The following FBXO22 variants were observed in gnomAD, a reference collection of about 807,000 sequenced individuals.
The protein encoded by FBXO22 is F-box only protein 22.
FBXO22 carries 13 observed loss-of-function variants against 37.2 expected under a neutral mutation model. The ratio of observed to expected loss-of-function variants is 0.35; its 90% CI spans 0.23 to 0.56. The LOEUF (loss-of-function observed/expected upper bound fraction) is 0.56, where lower values mean the gene tolerates loss of function less well. FBXO22 is among the 20% of genes least tolerant of loss of function. The pLI, the probability that FBXO22 is intolerant of heterozygous loss-of-function variation, is 0.87. For synonymous variants in FBXO22, 189 were observed against 189.1 expected (o/e 1.00, Z 0.00); for missense variants, 446 against 509.9 (o/e 0.87, Z 1.21).
chr15:75,940,830 A>G lies in FBXO22; in HGVS notation c.*7728A>G, dbSNP rs1422614711. 1.3e-5 allele frequency: 2 copies of G among 152,224 alleles called. No individual in the cohort carries two copies. The highest frequency in any genetic ancestry group is 1.9e-4 in the East Asian group (1 of 5,190). 9.4% of individuals were successfully genotyped at this position (152,224 alleles called of 1,614,324 possible). A position where few individuals can be genotyped will look rare whatever the true frequency, so the allele number is the denominator to read the frequency against. ...TCACTCATTTGCAAAAATTAACTCAAAATGGACCAAAGACCTAAATGTGAG... is the reference window on the plus strand; with the variant it reads ...TCACTCATTTGCAAAAATTAACTCAGAATGGACCAAAGACCTAAATGTGAG... On this transcript the variant is annotated 3_prime_UTR_variant, in exon 7 of 7. Transcript: ENST00000308275.
At position 75,904,111 on chromosome 15, in the gene FBXO22, G is replaced by GAGGAGGCGGAGGC. The variant is rs765768612; in HGVS notation, c.140+9_140+21dup. The GAGGAGGCGGAGGC allele has an allele frequency of 1.3e-6, 2 of 1,534,598 alleles. No homozygotes were observed. Among genetic ancestry groups the GAGGAGGCGGAGGC allele is most frequent in the East Asian group, 2.5e-5 (1 of 40,584 alleles). On this transcript the variant is annotated intron_variant, in intron 1 of 6. Coordinates refer to ENST00000308275, the MANE Select transcript of FBXO22 (RefSeq NM_147188.3). ...GTTGCTGCGGGTGGCCTGGTGAGGA[G>GAGGAGGCGGAGGC]AGGAGGCGGAGGCGGGAAGCTTGCC...
chr15:75,918,903 A>G (rs1567053914), intron 5 of FBXO22, among the ~76,000 whole-genome samples: 1 of 152,150 alleles, frequency 6.6e-6, no homozygotes, highest in Non-Finnish European at 1.5e-5. Flanking sequence ...TTGGAGGAAT[A>G]AGTTCTTGAG....
intron 6 of FBXO22, chr15:75,930,457 G>A (rs2029974291): frequency 2.0e-6 from 2 of 994,770 alleles, no homozygotes; most frequent in African/African-American, 1.7e-5. Flanking sequence ...GTGGAAATCT[G>A]GAAGGAGAAT....
chr15:75,910,623 C>T (rs771902897), intron 2 of FBXO22, among the ~76,000 whole-genome samples: 1 of 151,684 alleles, frequency 6.6e-6, no homozygotes, highest in Non-Finnish European at 1.5e-5. Context: ...TTGTTTTTTT[C>T]TTCAAATTTA....
At chr15:75,908,428 A>G (rs574421077) in intron 2 of FBXO22, among the ~76,000 whole-genome samples, 6 of 152,080 alleles carry the variant, frequency 3.9e-5, no homozygotes, top group Admixed American at 3.3e-4. Context: ...GCATGCAGCC[A>G]TACCCGGTTA....
chr15:75,930,050 G>C lies in FBXO22; in HGVS notation c.794+1G>C, dbSNP rs1447389249. The C allele has an allele frequency of 6.2e-7, 1 of 1,613,862 alleles. No homozygotes were observed. Among genetic ancestry groups the C allele is most frequent in the Non-Finnish European group, 8.5e-7 (1 of 1,179,888 alleles). On this transcript the variant is annotated splice_donor_variant, in intron 6 of 6. Transcript: ENST00000308275. LOFTEE classifies it high-confidence loss of function. ...ACCTGTCATCACTGACTTCTGAAAAGTATGTCTTGTGTGCTTCTGATTTCG... is the reference window on the plus strand; with the variant it reads ...ACCTGTCATCACTGACTTCTGAAAACTATGTCTTGTGTGCTTCTGATTTCG...
At chr15:75,908,671 A>G (rs563921118) in intron 2 of FBXO22, among the ~76,000 whole-genome samples, 7 of 152,336 alleles carry the variant, frequency 4.6e-5, no homozygotes, top group Admixed American at 1.3e-4. Flanking sequence ...AGGTAGCTCA[A>G]TAGTCGTAGC....
rs957395387 is a variant in FBXO22, at chr15:75,933,820, G to C, written c.*718G>C. The C allele has an allele frequency of 2.3e-5, 5 of 214,040 alleles. No individual in the cohort carries two copies. Among genetic ancestry groups the C allele is most frequent in the Non-Finnish European group, 3.9e-5 (4 of 102,292 alleles). The allele number at this position is 214,040 out of a possible 1,614,324, so 13.3% of individuals were successfully genotyped here. ...TTTTATACCAATAAAACATAGCGTG[G>C]AACTCATTCAGGTAATGTTTTGCAT... is the stretch of plus-strand genomic sequence containing the variant. On this transcript the variant is annotated 3_prime_UTR_variant, in exon 7 of 7. Coordinates refer to ENST00000308275, the MANE Select transcript of FBXO22 (RefSeq NM_147188.3).
At chr15:75,930,619 A>C in intron 6 of FBXO22, 2 of 985,484 alleles carry the variant, frequency 2.0e-6, no homozygotes, top group Non-Finnish European at 2.4e-6. Context: ...TTTGTTACTA[A>C]GGCTTTTGCT....
chr15:75,927,260 T>C (rs79483876), intron 5 of FBXO22, among the ~76,000 whole-genome samples: 2,463 of 152,268 alleles, frequency 0.016, 65 homozygotes, highest in African/African-American at 0.055. Context: ...AGTTTGGAGG[T>C]CCTGAGATTT....
chr15:75,928,694 G>C (rs2029892745), intron 5 of FBXO22, among the ~76,000 whole-genome samples: 1 of 152,038 alleles, frequency 6.6e-6, no homozygotes, highest in Non-Finnish European at 1.5e-5. Flanking sequence ...ACACACGTTT[G>C]CCTGTGGAAC....
intron 6 of FBXO22, chr15:75,930,359 C>T: frequency 8.0e-7 from 1 of 1,246,678 alleles, no homozygotes; most frequent in African/African-American, 1.5e-5. Flanking sequence ...GTGTCACCTC[C>T]TTTCTAGTTT....
intron 2 of FBXO22, among the ~76,000 whole-genome samples, 179 bp downstream of exon 2, chr15:75,904,808 G>A (rs1340305650): frequency 1.4e-5 from 2 of 147,182 alleles, no homozygotes; most frequent in East Asian, 2.0e-4. Flanking sequence ...TTATTTGACC[G>A]TTCATCAAAT....
intron 5 of FBXO22, among the ~76,000 whole-genome samples, chr15:75,927,796 T>C (rs1232226047): frequency 6.6e-6 from 1 of 152,178 alleles, no homozygotes; most frequent in Non-Finnish European, 1.5e-5. Context: ...TAGTAATTGG[T>C]CATTCACGCA....
At chr15:75,918,198 G>A (rs1900231091) in intron 5 of FBXO22, among the ~76,000 whole-genome samples, 1 of 152,092 alleles carries the variant, frequency 6.6e-6, no homozygotes, top group South Asian at 2.1e-4. Context: ...TATTTGAAAT[G>A]GGACTTAAAC....
At chr15:75,904,768 A>T in intron 2 of FBXO22, 139 bp downstream of exon 2, 1 of 785,194 alleles carries the variant, frequency 1.3e-6, no homozygotes, top group Non-Finnish European at 1.9e-6. Flanking sequence ...CATCAGTTTT[A>T]GTGACTACAC....
chr15:75,907,902 A>G (rs1184369783), intron 2 of FBXO22, among the ~76,000 whole-genome samples: 1 of 152,016 alleles, frequency 6.6e-6, no homozygotes, highest in Non-Finnish European at 1.5e-5. Context: ...AGATTGCACC[A>G]CTTCACTCCA....
chr15:75,929,345 C>T (rs1283690505), intron 5 of FBXO22, among the ~76,000 whole-genome samples: 1 of 151,830 alleles, frequency 6.6e-6, no homozygotes, highest in Non-Finnish European at 1.5e-5. Context: ...ATCCTTTTTC[C>T]AAATAAGCTT....
intron 5 of FBXO22, among the ~76,000 whole-genome samples, chr15:75,927,055 G>T (rs897119200): frequency 6.6e-6 from 1 of 152,200 alleles, no homozygotes; most frequent in Admixed American, 6.5e-5. Context: ...CCTTATGAAT[G>T]ATTTGTGGGA....
Sources: allele counts gnomAD v4.1 joint callset (sites outside exome capture counted in the v4.1 genomes callset), GRCh38; gene constraint gnomAD v4.1.1; transcripts MANE v1.5; gene names NCBI Gene and HGNC (gene_info 2026-07-23, HGNC 2026-07-21).